The following CADPS2 variants were observed in gnomAD, a reference collection of about 807,000 sequenced individuals.
CADPS2 encodes the protein calcium dependent secretion activator 2.
Under a neutral mutation model 172.5 loss-of-function variants are expected in CADPS2, and 93 were observed. The ratio of observed to expected loss-of-function variants is 0.54; its 90% CI spans 0.46 to 0.64. CADPS2 has a LOEUF of 0.64. Among genes scored for constraint, CADPS2 ranks in the 30% least tolerant of loss-of-function variants. The pLI is 0.00. For synonymous variants in CADPS2, 546 were observed against 555.2 expected (o/e 0.98, Z 0.23); for missense variants, 1,420 against 1,565.9 (o/e 0.91, Z 1.57).
chr7:122,722,443 T>C (rs547289330), intron 2 of CADPS2, among the ~76,000 whole-genome samples: 40 of 151,520 alleles, frequency 2.6e-4, no homozygotes, highest in Middle Eastern at 3.4e-3. Flanking sequence ...CCATTCACAA[T>C]TGCTTCAAAG....
chr7:122,436,454 C>T (rs764233095), intron 17 of CADPS2: 2 of 756,616 alleles, frequency 2.6e-6, no homozygotes, highest in Non-Finnish European at 3.7e-6. Context: ...TAAAAGGCCA[C>T]TTTCTAACTT....
chr7:122,448,701 T>C (rs779712623), intron 15 of CADPS2, among the ~76,000 whole-genome samples: 1 of 152,174 alleles, frequency 6.6e-6, no homozygotes, highest in African/African-American at 2.4e-5. Flanking sequence ...TGTCAGTGAC[T>C]GATTGAGGCA....
intron 8 of CADPS2, among the ~76,000 whole-genome samples, chr7:122,533,690 A>G (rs1238319092): frequency 6.6e-6 from 1 of 152,178 alleles, no homozygotes; most frequent in Non-Finnish European, 1.5e-5. Context: ...GTTAATAAAA[A>G]AAGCAATTGA....
At chr7:122,787,505 T>G (rs1237598013) in intron 1 of CADPS2, among the ~76,000 whole-genome samples, 1 of 152,196 alleles carries the variant, frequency 6.6e-6, no homozygotes, top group Non-Finnish European at 1.5e-5. Flanking sequence ...AAAGGGAAGT[T>G]AGGAATGGTC....
intron 7 of CADPS2, among the ~76,000 whole-genome samples, chr7:122,568,435 AAAAGAT>A (rs1364251744): frequency 2.0e-5 from 3 of 152,178 alleles, no homozygotes; most frequent in Admixed American, 6.5e-5. Context: ...ATGAGGCAAA[AAAAGAT>A]AAAACAAATA....
intron 8 of CADPS2, among the ~76,000 whole-genome samples, chr7:122,523,548 C>T (rs1232547449): frequency 6.6e-6 from 1 of 151,870 alleles, no homozygotes; most frequent in Non-Finnish European, 1.5e-5. Flanking sequence ...TATGTTAGGT[C>T]TTTATTCCTT....
intron 1 of CADPS2, among the ~76,000 whole-genome samples, chr7:122,816,667 C>T (rs1230336173): frequency 6.6e-6 from 1 of 152,170 alleles, no homozygotes; most frequent in Non-Finnish European, 1.5e-5. Flanking sequence ...AGGAAGAGTT[C>T]CCCTTTCTCC....
chr7:122,342,203 T>G (rs74933660), intron 28 of CADPS2, among the ~76,000 whole-genome samples: 2 of 152,154 alleles, frequency 1.3e-5, no homozygotes, highest in Non-Finnish European at 2.9e-5. Context: ...ATGGGAATGA[T>G]AGCAGCAGTG....
chr7:122,873,184 A>G (rs1230071088), intron 1 of CADPS2, among the ~76,000 whole-genome samples: 2 of 152,112 alleles, frequency 1.3e-5, no homozygotes, highest in African/African-American at 4.8e-5. Context: ...GGCACAAAAC[A>G]AAAATTTTTT....
chr7:122,624,183 A>G (rs1309928878), intron 4 of CADPS2, among the ~76,000 whole-genome samples: 1 of 152,194 alleles, frequency 6.6e-6, no homozygotes, highest in Non-Finnish European at 1.5e-5. Flanking sequence ...AACTAACTGT[A>G]TATCAGACAA....
At chr7:122,769,405 C>T (rs2093646929) in intron 1 of CADPS2, among the ~76,000 whole-genome samples, 1 of 152,108 alleles carries the variant, frequency 6.6e-6, no homozygotes, top group Admixed American at 6.5e-5. Context: ...CTGAGCCCTC[C>T]AGGAACAGAA....
chr7:122,525,392 C>T (rs1238002213), intron 8 of CADPS2, among the ~76,000 whole-genome samples: 1 of 152,150 alleles, frequency 6.6e-6, no homozygotes, highest in Non-Finnish European at 1.5e-5. Context: ...GATTTCCCTT[C>T]CCAATAGCCT....
chr7:122,786,297 G>T (rs1794026176), intron 1 of CADPS2, among the ~76,000 whole-genome samples: 3 of 152,202 alleles, frequency 2.0e-5, no homozygotes, highest in Admixed American at 2.0e-4. Context: ...AATGTAAATA[G>T]CAAGATTCAA....
chr7:122,517,478 A>G (rs188221749), intron 8 of CADPS2, among the ~76,000 whole-genome samples: 46 of 152,172 alleles, frequency 3.0e-4, no homozygotes, highest in Non-Finnish European at 1.9e-4. Context: ...AAACTGCCAA[A>G]TTGTTTTCCA....
chr7:122,877,479 T>A lies in CADPS2; in HGVS notation c.339+8520A>T, dbSNP rs1306228884. ...GACAAAAGCCATCACTATCAACAGA[T>A]GCTTCAACTGCCTACCTAGAAAATC... is the stretch of plus-strand genomic sequence containing the variant. On this transcript the variant is annotated intron_variant, in intron 1 of 29. Coordinates refer to ENST00000449022, the MANE Select transcript of CADPS2 (RefSeq NM_017954.11). 3.9e-5 allele frequency among the ~76,000 whole-genome samples: 6 copies of A among 152,180 alleles called. No homozygotes were observed. In the East Asian group the frequency reaches 9.6e-4, roughly 24 times the overall value.
chr7:122,689,748 TTGG>T (rs1420418413), intron 2 of CADPS2, among the ~76,000 whole-genome samples: 2 of 152,124 alleles, frequency 1.3e-5, no homozygotes, highest in Non-Finnish European at 2.9e-5. Context: ...CACAACACCC[TTGG>T]TGTAGTGATC....
At chr7:122,408,662 A>C (rs1253593103) in intron 19 of CADPS2, among the ~76,000 whole-genome samples, 1 of 152,168 alleles carries the variant, frequency 6.6e-6, no homozygotes, top group African/African-American at 2.4e-5. Flanking sequence ...CCTGGCCTCA[A>C]GTGATCTGCC....
At chr7:122,578,353 T>C (rs933709537) in intron 7 of CADPS2, among the ~76,000 whole-genome samples, 1 of 151,992 alleles carries the variant, frequency 6.6e-6, no homozygotes, top group African/African-American at 2.4e-5. Context: ...AAAGCAGGTA[T>C]GAGTGTACAA....
At chr7:122,702,057 C>A (rs1198301339) in intron 2 of CADPS2, 1 of 1,613,486 alleles carries the variant, frequency 6.2e-7, no homozygotes, top group African/African-American at 1.3e-5. Flanking sequence ...GCTTTCTTCA[C>A]ATCTGTCTTT....
Sources: gnomAD v4.1 joint callset for allele counts (sites outside exome capture counted in the v4.1 genomes callset) on GRCh38, gnomAD v4.1.1 for gene constraint, MANE v1.5 for transcripts, NCBI Gene and HGNC (gene_info 2026-07-23, HGNC 2026-07-21) for gene names.